PRH1: variants seen among roughly 807,000 people sequenced by gnomAD.
PRH1 encodes salivary acidic proline-rich phosphoprotein 1/2.
In PRH1, 7 loss-of-function variants were observed where a neutral mutation model predicts 7.9. That is an observed-to-expected ratio of 0.89 (90% confidence interval 0.50 to 1.67). The LOEUF (loss-of-function observed/expected upper bound fraction) is 1.67, where lower values mean the gene tolerates loss of function less well. Among genes scored for constraint, PRH1 ranks in the 40% most tolerant of loss-of-function variants. PRH1 has a pLI of 0.00. For missense variants in PRH1, 109 were observed against 223.6 expected, an observed-to-expected ratio of 0.49 and a Z score of 3.27; for synonymous variants, 45 against 80.8, an observed-to-expected ratio of 0.56 and a Z score of 2.38.
At position 11,137,478 on chromosome 12, in the gene PRH1, GT is replaced by G. The variant is rs1457293867; in HGVS notation, n.40-16299del. Among the ~76,000 whole-genome samples the G allele has an allele frequency of 5.3e-5, 8 of 152,286 alleles. No individual in the cohort carries two copies. The East Asian group carries it at 1.5e-3, about 29-fold the overall frequency. The stretch of plus-strand genomic sequence containing the variant: ...ACAGAAGATCTGAGGTCTTACCTCT[GT>G]TTGACAATCTGGTCCTAAAACTCTC... On this transcript the variant is annotated intron_variant and non_coding_transcript_variant, in intron 1 of 1. Coordinates refer to the PRH1 transcript ENST00000541175.
intron 1 of PRH1, among the ~76,000 whole-genome samples, chr12:11,125,318 C>T (rs914496582): frequency 3.9e-5 from 6 of 152,250 alleles, no homozygotes; most frequent in East Asian, 1.9e-4. Flanking sequence ...CTCTTGTTGG[C>T]TGTTTAATTT....
At chr12:10,939,476 T>C (rs1348761618) in intron 2 of PRH1, among the ~76,000 whole-genome samples, 1 of 151,880 alleles carries the variant, frequency 6.6e-6, no homozygotes, top group African/African-American at 2.4e-5. Context: ...CTTTTGTAGC[T>C]GGTGAGAAAG....
At chr12:11,102,667 G>A (rs1331735273) in intron 1 of PRH1, among the ~76,000 whole-genome samples, 1 of 152,114 alleles carries the variant, frequency 6.6e-6, no homozygotes, top group Non-Finnish European at 1.5e-5. Flanking sequence ...AAAAGCAATG[G>A]CAACAAAAGC....
intron 2 of PRH1, among the ~76,000 whole-genome samples, chr12:10,972,428 T>C (rs765945212): frequency 9.9e-5 from 15 of 152,204 alleles, no homozygotes; most frequent in Non-Finnish European, 2.1e-4. Context: ...AATGCTGTCT[T>C]TATGGAAAAT....
intron 1 of PRH1, among the ~76,000 whole-genome samples, chr12:11,131,522 T>C (rs377614070): frequency 2.3e-5 from 3 of 128,490 alleles, no homozygotes; most frequent in South Asian, 2.6e-4. Flanking sequence ...CATTTTTATA[T>C]GATAATCAAC....
intron 1 of PRH1, chr12:11,166,452 C>T (rs1947588120): frequency 6.6e-6 from 1 of 152,180 alleles, no homozygotes; most frequent in African/African-American, 2.4e-5. Context: ...TTTCTTACCC[C>T]ACTCCTTGTG....
intron 2 of PRH1, chr12:10,973,547 G>A: frequency 1.6e-6 from 1 of 632,622 alleles, no homozygotes; most frequent in South Asian, 1.9e-5. Context: ...TGAGAAGTTA[G>A]TACACTACTT....
chr12:11,100,076 T>C (rs920776884), intron 1 of PRH1, among the ~76,000 whole-genome samples: 1 of 152,318 alleles, frequency 6.6e-6, no homozygotes, highest in African/African-American at 2.4e-5. Context: ...TTCCCTTCAG[T>C]ATATAATCAG....
chr12:11,030,126 A>G (rs80309964), intron 1 of PRH1, among the ~76,000 whole-genome samples: 51 of 17,708 alleles, frequency 2.9e-3, no homozygotes, highest in East Asian at 0.019. Flanking sequence ...TCAAAATTCT[A>G]AGAAATTTTT....
chr12:11,139,373 TC>T (rs1332982723), intron 1 of PRH1, among the ~76,000 whole-genome samples: 1 of 152,198 alleles, frequency 6.6e-6, no homozygotes, highest in Non-Finnish European at 1.5e-5. Context: ...TTTTATTTCC[TC>T]CCTCCTGATT....
At chr12:11,017,786 C>A (rs1941372675) in intron 1 of PRH1, among the ~76,000 whole-genome samples, 1 of 152,078 alleles carries the variant, frequency 6.6e-6, no homozygotes. Flanking sequence ...AACCACCATG[C>A]CGAGCAGAAA....
intron 1 of PRH1, among the ~76,000 whole-genome samples, chr12:11,125,114 A>G (rs1443996759): frequency 6.6e-6 from 1 of 152,256 alleles, no homozygotes; most frequent in African/African-American, 2.4e-5. Flanking sequence ...GAGTGCTGGG[A>G]TTACAGGCAT....
chr12:11,070,510 T>C (rs141817241), intron 1 of PRH1, among the ~76,000 whole-genome samples: 22 of 152,240 alleles, frequency 1.4e-4, no homozygotes, highest in Non-Finnish European at 2.4e-4. Flanking sequence ...GTGCCCGCTG[T>C]GGTCTCTTCC....
intron 2 of PRH1, chr12:10,929,384 G>A (rs368236829): frequency 7.6e-5 from 123 of 1,610,410 alleles, no homozygotes; most frequent in East Asian, 5.8e-4. Flanking sequence ...TGGGGTTTAC[G>A]GGCGAATGCT....
At chr12:11,060,693 C>T (rs1172781892) in intron 1 of PRH1, among the ~76,000 whole-genome samples, 2 of 152,080 alleles carry the variant, frequency 1.3e-5, no homozygotes, top group Non-Finnish European at 2.9e-5. Flanking sequence ...ATCTAATATT[C>T]CTCAGAACTG....
intron 1 of PRH1, among the ~76,000 whole-genome samples, chr12:11,148,503 T>C (rs879299622): frequency 7.8e-4 from 116 of 147,782 alleles, no homozygotes; most frequent in Non-Finnish European, 1.4e-3. Flanking sequence ...GTGAAGGTTG[T>C]TGAATTTTGT....
At chr12:10,973,866 T>C (rs1026628824) in intron 1 of PRH1, 1 of 444,530 alleles carries the variant, frequency 2.2e-6, no homozygotes, top group South Asian at 5.1e-5. Context: ...ATGCAATCTC[T>C]ATCAAATTCT....
At chr12:11,083,937 GGGACAAT>G (rs1944587416) in intron 1 of PRH1, among the ~76,000 whole-genome samples, 1 of 74,134 alleles carries the variant, frequency 1.3e-5, no homozygotes, top group African/African-American at 4.4e-5. Flanking sequence ...TGGTTCTGCT[GGGACAAT>G]TAAGTTCCCT....
chr12:11,067,124 T>C (rs1308768663), intron 1 of PRH1, among the ~76,000 whole-genome samples: 2 of 152,164 alleles, frequency 1.3e-5, no homozygotes, highest in African/African-American at 4.8e-5. Context: ...GCAGTGAAAG[T>C]AGCATTATAT....
Sources: allele counts gnomAD v4.1 joint callset (sites outside exome capture counted in the v4.1 genomes callset), GRCh38; gene constraint gnomAD v4.1.1; transcripts MANE v1.5; gene names NCBI Gene and HGNC (gene_info 2026-07-23, HGNC 2026-07-21).